The following KCND2 variants were observed in gnomAD, a reference collection of about 807,000 sequenced individuals.
The protein encoded by KCND2 is potassium voltage-gated channel subfamily D member 2.
In KCND2, 16 loss-of-function variants were observed where a neutral mutation model predicts 54.4. The observed-to-expected ratio is 0.29, with a 90% CI of 0.20 to 0.45. The LOEUF (loss-of-function observed/expected upper bound fraction) is 0.45, where lower values mean the gene tolerates loss of function less well. KCND2 is among the 20% of genes least tolerant of loss of function. The pLI is 1.00. For synonymous variants in KCND2, 317 were observed against 310.7 expected, an observed-to-expected ratio of 1.02 and a Z score of -0.21; for missense variants, 486 against 824.2, an observed-to-expected ratio of 0.59 and a Z score of 5.02.
intron 1 of KCND2, among the ~76,000 whole-genome samples, chr7:120,373,328 C>T (rs914517964): frequency 1.3e-5 from 2 of 151,754 alleles, no homozygotes; most frequent in African/African-American, 4.8e-5. Context: ...CTAGGCCCTG[C>T]TGCTATTTCT....
At chr7:120,505,740 C>CA (rs1432760359) in intron 1 of KCND2, among the ~76,000 whole-genome samples, 1 of 151,602 alleles carries the variant, frequency 6.6e-6, no homozygotes, top group East Asian at 1.9e-4. Flanking sequence ...ATTCTGGACT[C>CA]AGAGTCAGTG....
intron 1 of KCND2, among the ~76,000 whole-genome samples, chr7:120,335,736 C>T (rs1391941589): frequency 3.9e-5 from 6 of 152,186 alleles, no homozygotes; most frequent in South Asian, 4.2e-4. Context: ...CCACCTGCCT[C>T]GTCCTCCCAA....
intron 1 of KCND2, among the ~76,000 whole-genome samples, chr7:120,682,539 G>A (rs1792152191): frequency 6.6e-6 from 1 of 152,026 alleles, no homozygotes; most frequent in African/African-American, 2.4e-5. Flanking sequence ...GAAATTACCA[G>A]TGTTCTCCAA....
intron 1 of KCND2, among the ~76,000 whole-genome samples, chr7:120,391,267 A>G (rs1183049622): frequency 5.9e-5 from 9 of 152,054 alleles, no homozygotes; most frequent in African/African-American, 2.2e-4. Flanking sequence ...TTATGGCTGC[A>G]CAGATTCCTT....
intron 1 of KCND2, among the ~76,000 whole-genome samples, chr7:120,299,901 G>A (rs1316705229): frequency 6.6e-6 from 1 of 152,170 alleles, no homozygotes; most frequent in Non-Finnish European, 1.5e-5. Context: ...GTTCCCAATA[G>A]TAAGGTTTTC....
chr7:120,318,040 A>G (rs1443943344), intron 1 of KCND2, among the ~76,000 whole-genome samples: 4 of 152,182 alleles, frequency 2.6e-5, no homozygotes, highest in African/African-American at 9.6e-5. Context: ...GGTTGATGTC[A>G]GAGATGTCAG....
intron 2 of KCND2, among the ~76,000 whole-genome samples, chr7:120,735,808 G>A (rs1197754926): frequency 6.6e-6 from 1 of 151,992 alleles, no homozygotes; most frequent in African/African-American, 2.4e-5. Flanking sequence ...TAATAACCAA[G>A]TATAATATGT....
intron 1 of KCND2, among the ~76,000 whole-genome samples, chr7:120,524,461 T>C (rs1791746408): frequency 6.6e-6 from 1 of 152,196 alleles, no homozygotes; most frequent in Admixed American, 6.5e-5. Context: ...TTCTTTGATA[T>C]TTAGTCTTCA....
chr7:120,550,680 C>A (rs902404201), intron 1 of KCND2, among the ~76,000 whole-genome samples: 4 of 152,124 alleles, frequency 2.6e-5, no homozygotes, highest in Non-Finnish European at 5.9e-5. Context: ...TCCAGGGAGT[C>A]ATTTCAGGAT....
At chr7:120,552,952 A>G (rs996550345) in intron 1 of KCND2, among the ~76,000 whole-genome samples, 3 of 152,238 alleles carry the variant, frequency 2.0e-5, no homozygotes, top group Non-Finnish European at 4.4e-5. Context: ...AACATGCACA[A>G]TGCGATGTTT....
intron 1 of KCND2, among the ~76,000 whole-genome samples, chr7:120,689,001 C>T (rs1365675758): frequency 2.6e-5 from 4 of 152,130 alleles, no homozygotes; most frequent in Non-Finnish European, 4.4e-5. Context: ...ACTCCACATA[C>T]TCAATTCTCT....
At chr7:120,638,212 C>T (rs1199069935) in intron 1 of KCND2, among the ~76,000 whole-genome samples, 1 of 152,090 alleles carries the variant, frequency 6.6e-6, no homozygotes, top group African/African-American at 2.4e-5. Flanking sequence ...TCCCATTTTA[C>T]TGCCTTTGCA....
intron 1 of KCND2, among the ~76,000 whole-genome samples, chr7:120,399,054 C>T (rs774990244): frequency 6.6e-6 from 1 of 151,942 alleles, no homozygotes; most frequent in Non-Finnish European, 1.5e-5. Flanking sequence ...TCTTAACACC[C>T]ACTTTACATT....
intron 1 of KCND2, among the ~76,000 whole-genome samples, chr7:120,324,375 A>ACG (rs1171849272): frequency 6.9e-6 from 1 of 145,000 alleles, no homozygotes; most frequent in East Asian, 2.0e-4. Context: ...GTCCTTGCCC[A>ACG]TGCCTATGTC....
chr7:120,659,926 A>G (rs1322114843), intron 1 of KCND2, among the ~76,000 whole-genome samples: 1 of 152,222 alleles, frequency 6.6e-6, no homozygotes, highest in Non-Finnish European at 1.5e-5. Context: ...GTCAAATTTA[A>G]TTAAGGAAAA....
intron 1 of KCND2, among the ~76,000 whole-genome samples, chr7:120,539,825 T>C (rs1384433826): frequency 6.6e-6 from 1 of 152,166 alleles, no homozygotes; most frequent in Admixed American, 6.6e-5. Flanking sequence ...TATTCTCATG[T>C]GATTCATTAG....
rs189173379 is a variant in KCND2, at chr7:120,732,892, C to A, written c.1116-11C>A. 193 of 1,608,412 alleles carry A rather than the reference C, an allele frequency of 1.2e-4. 1 individual carries two copies. The African/African-American group carries it at 2.3e-3, about 19-fold the overall frequency. The stretch of plus-strand genomic sequence containing the variant: ...TTAAAACAATATATATATATTTTTT[C>A]TTTAACTCAGGTATGGTGACATGGT... On this transcript the variant is annotated splice_polypyrimidine_tract_variant and intron_variant, in intron 1 of 5. Coordinates refer to ENST00000331113, the MANE Select transcript of KCND2 (RefSeq NM_012281.3).
At chr7:120,457,840 TGTTA>T (rs1485302218) in intron 1 of KCND2, among the ~76,000 whole-genome samples, 1 of 152,220 alleles carries the variant, frequency 6.6e-6, no homozygotes, top group Non-Finnish European at 1.5e-5. Flanking sequence ...CAATTTACTG[TGTTA>T]GTTGGTTCTC....
intron 1 of KCND2, among the ~76,000 whole-genome samples, chr7:120,711,361 AT>A (rs1323078804): frequency 2.6e-5 from 4 of 152,178 alleles, no homozygotes; most frequent in Admixed American, 2.0e-4. Context: ...AGATTAGTAT[AT>A]GCAAAGCAAT....
Sources: gnomAD v4.1 joint callset for allele counts (sites outside exome capture counted in the v4.1 genomes callset) on GRCh38, gnomAD v4.1.1 for gene constraint, MANE v1.5 for transcripts, NCBI Gene and HGNC (gene_info 2026-07-23, HGNC 2026-07-21) for gene names.